KLF8: variants seen among roughly 807,000 people sequenced by gnomAD.
KLF8 encodes the protein Krueppel-like factor 8.
Under a neutral mutation model 18.2 loss-of-function variants are expected in KLF8, and 10 were observed. The ratio of observed to expected loss-of-function variants is 0.55; its 90% CI spans 0.34 to 0.93. The LOEUF is 0.93. KLF8 is among the 40% of genes least tolerant of loss of function. KLF8 has a pLI of 0.02. For synonymous variants in KLF8, 109 were observed against 97.3 expected, an observed-to-expected ratio of 1.12 and a Z score of -0.71; for missense variants, 264 against 277.9, an observed-to-expected ratio of 0.95 and a Z score of 0.36.
chrX:56,037,903 A>G, the KLF8 span, among the ~76,000 whole-genome samples: 142 of 111,788 alleles, frequency 1.3e-3, no homozygotes, highest in Non-Finnish European at 2.4e-3. Context: ...GCTGTCAAAT[A>G]GTAGGTCTTA....
the KLF8 span, among the ~76,000 whole-genome samples, chrX:56,044,237 G>C: frequency 9.0e-6 from 1 of 111,524 alleles, no homozygotes; most frequent in South Asian, 3.8e-4. Flanking sequence ...ACCTGTATAT[G>C]ATGGCTGGAG....
chrX:56,077,480 TA>T, the KLF8 span, among the ~76,000 whole-genome samples: 1 of 111,911 alleles, frequency 8.9e-6, no homozygotes. Flanking sequence ...CTGAGGGCTC[TA>T]TTCTGTTCCA....
chrX:56,202,621 C>G, the KLF8 span, among the ~76,000 whole-genome samples: 1 of 93,538 alleles, frequency 1.1e-5, no homozygotes, highest in African/African-American at 3.9e-5. Flanking sequence ...TCCTTCTACT[C>G]TCTGTGTCTA....
chrX:56,066,623 G>C, the KLF8 span, among the ~76,000 whole-genome samples: 1 of 111,625 alleles, frequency 9.0e-6, no homozygotes, highest in African/African-American at 3.3e-5. Context: ...GGGGTAGCAG[G>C]CTCACTGTTA....
At chrX:56,266,256 A>G in intron 3 of KLF8, 12 of 752,124 alleles carry the variant, frequency 1.6e-5, no homozygotes, top group Non-Finnish European at 1.9e-5. Context: ...TGCCTCTACC[A>G]ATACTTTCCC....
At chrX:56,182,072 A>G in the KLF8 span, among the ~76,000 whole-genome samples, 1 of 111,477 alleles carries the variant, frequency 9.0e-6, no homozygotes, top group South Asian at 3.7e-4. Flanking sequence ...ACTTGGTTCC[A>G]TTCTCCCTAT....
chrX:56,175,658 A>C, the KLF8 span, among the ~76,000 whole-genome samples: 1 of 111,068 alleles, frequency 9.0e-6, no homozygotes, highest in Non-Finnish European at 1.9e-5. Context: ...ATCCTTATTA[A>C]CTTTCTGTCT....
At chrX:56,053,787 A>T in the KLF8 span, among the ~76,000 whole-genome samples, 1 of 109,159 alleles carries the variant, frequency 9.2e-6, no homozygotes, top group Non-Finnish European at 1.9e-5. Context: ...CTTTTTATTT[A>T]TATGCATTGT....
chrX:55,964,770 C>A, the KLF8 span, among the ~76,000 whole-genome samples: 1 of 111,834 alleles, frequency 8.9e-6, no homozygotes, highest in Non-Finnish European at 1.9e-5. Context: ...GAGACTATTA[C>A]AAACACTTCT....
the KLF8 span, among the ~76,000 whole-genome samples, chrX:56,182,300 T>C: frequency 8.9e-6 from 1 of 112,549 alleles, no homozygotes; most frequent in African/African-American, 3.2e-5. Flanking sequence ...GTGCCAAGGT[T>C]TTCAGCTCCA....
chrX:55,985,701 A>C, the KLF8 span, among the ~76,000 whole-genome samples: 2 of 110,410 alleles, frequency 1.8e-5, no homozygotes, highest in African/African-American at 3.3e-5. Context: ...AGAGCATTGA[A>C]TCTATAAATT....
the KLF8 span, among the ~76,000 whole-genome samples, chrX:56,041,371 G>A: frequency 2.7e-5 from 3 of 110,822 alleles, no homozygotes; most frequent in Admixed American, 9.5e-5. Context: ...TGATCCACCC[G>A]CCCAAAGTGC....
the KLF8 span, among the ~76,000 whole-genome samples, chrX:56,010,072 C>A: frequency 8.9e-6 from 1 of 111,860 alleles, no homozygotes; most frequent in African/African-American, 3.3e-5. Flanking sequence ...CTCAACCTAG[C>A]AAGACAGGCC....
chrX:56,151,195 A>G, the KLF8 span, among the ~76,000 whole-genome samples: 1 of 111,848 alleles, frequency 8.9e-6, no homozygotes, highest in Admixed American at 9.6e-5. Flanking sequence ...ATGTCTTGGT[A>G]AAGACTTTGG....
At chrX:56,098,775 G>A in the KLF8 span, among the ~76,000 whole-genome samples, 1 of 111,060 alleles carries the variant, frequency 9.0e-6, no homozygotes. Context: ...CACCCAAATT[G>A]GAAGAGAAGC....
chrX:56,007,329 A>G, the KLF8 span, among the ~76,000 whole-genome samples: 1 of 110,852 alleles, frequency 9.0e-6, no homozygotes, highest in African/African-American at 3.3e-5. Context: ...TGGCGCTGTG[A>G]AGCAGCTGCT....
At chrX:56,186,327 T>TATCCTA in the KLF8 span, among the ~76,000 whole-genome samples, 1 of 111,855 alleles carries the variant, frequency 8.9e-6, no homozygotes, top group Non-Finnish European at 1.9e-5. Flanking sequence ...AACAGCTAAC[T>TATCCTA]ATCCTAAATA....
the KLF8 span, among the ~76,000 whole-genome samples, chrX:56,068,786 G>A: frequency 3.6e-5 from 4 of 111,447 alleles, no homozygotes; most frequent in East Asian, 2.8e-4. Context: ...CTCAGCTGGA[G>A]GACACAGCTT....
the KLF8 span, among the ~76,000 whole-genome samples, chrX:55,977,494 C>CGTGT: frequency 5.5e-4 from 58 of 105,361 alleles, no homozygotes; most frequent in South Asian, 2.7e-3. Flanking sequence ...ATGCATCCTT[C>CGTGT]GTGTGTGTGT....
Sources: allele counts gnomAD v4.1 joint callset (sites outside exome capture counted in the v4.1 genomes callset), GRCh38; gene constraint gnomAD v4.1.1; transcripts MANE v1.5; gene names NCBI Gene and HGNC (gene_info 2026-07-23, HGNC 2026-07-21).